ERBB4: variants seen among roughly 807,000 people sequenced by gnomAD.
The protein encoded by ERBB4 is receptor tyrosine-protein kinase erbB-4.
Under a neutral mutation model 158.0 loss-of-function variants are expected in ERBB4, and 42 were observed. The observed-to-expected ratio is 0.27, with a 90% confidence interval of 0.21 to 0.34. ERBB4 has a LOEUF of 0.34. Ranked by LOEUF, ERBB4 falls within the 10% of genes least tolerant of loss-of-function variation. The probability of loss-of-function intolerance (pLI) is 1.00; values close to 1 mark genes in which losing one functional copy is unlikely to be tolerated. For missense variants in ERBB4, 1,333 were observed against 1,624.1 expected, an observed-to-expected ratio of 0.82 and a Z score of 3.08; for synonymous variants, 583 against 558.7, an observed-to-expected ratio of 1.04 and a Z score of -0.61.
chr2:211,567,387 C>T (rs966397069), intron 19 of ERBB4, among the ~76,000 whole-genome samples: 2 of 152,124 alleles, frequency 1.3e-5, no homozygotes, highest in Non-Finnish European at 2.9e-5. Flanking sequence ...TGAGAAGGAA[C>T]TAAAATCAAA....
chr2:211,551,616 G>T (rs1266660368), intron 20 of ERBB4, among the ~76,000 whole-genome samples: 1 of 152,062 alleles, frequency 6.6e-6, no homozygotes, highest in Non-Finnish European at 1.5e-5. Flanking sequence ...TGTTTTCTAT[G>T]ATGTTAGTAG....
At chr2:212,286,816 G>A (rs541446902) in intron 1 of ERBB4, among the ~76,000 whole-genome samples, 2 of 107,076 alleles carry the variant, frequency 1.9e-5, no homozygotes, top group East Asian at 6.3e-4. Context: ...CCGCCATGTT[G>A]CCCACGCTGT....
intron 2 of ERBB4, among the ~76,000 whole-genome samples, chr2:211,955,707 T>C (rs2081008744): frequency 6.6e-6 from 1 of 152,132 alleles, no homozygotes; most frequent in African/African-American, 2.4e-5. Context: ...GATCACACTA[T>C]GTCCAAATAA....
chr2:211,843,411 G>A lies in ERBB4; in HGVS notation c.422-55252C>T, dbSNP rs568142995. 3.0e-3 allele frequency among the ~76,000 whole-genome samples: 354 copies of A among 119,630 alleles called. 2 individuals are homozygous for A. The highest frequency in any genetic ancestry group is 9.1e-3 in the African/African-American group (329 of 36,010). 78.5% of individuals were successfully genotyped at this position (119,630 alleles called of 152,430 possible). ...CTCAGGCTGGTGCACATGTGCGTGC[G>A]TGTGCACACACACACACACACACAC... On this transcript the variant is annotated intron_variant, in intron 3 of 27. Transcript: ENST00000342788.
chr2:211,654,861 A>T (rs1005207656), intron 16 of ERBB4, among the ~76,000 whole-genome samples: 1 of 152,186 alleles, frequency 6.6e-6, no homozygotes, highest in Non-Finnish European at 1.5e-5. Flanking sequence ...ATCTACAAAC[A>T]GTGACTGGCC....
chr2:211,679,081 G>C lies in ERBB4; in HGVS notation c.1593C>G (p.Ile531Met), dbSNP rs2072230473. The change falls in exon 13 of 28, where the codon ATC (isoleucine) becomes ATG (methionine). Residue 531 changes from isoleucine to methionine, a missense_variant. By Grantham distance (10) the Ile-to-Met change is conservative (BLOSUM62 1). Around this residue, in one of 5 missense-constraint regions of ERBB4, gnomAD observed 245 missense variants for 247.5 expected, o/e 0.99. Transcript: ENST00000342788. Reference sequence around the variant, plus strand: ...CATAGAGGTTACAAGACTCTATGCAGATCCTTCCTCTACTGAAGCGGCGAC... The same window carrying C: ...CATAGAGGTTACAAGACTCTATGCACATCCTTCCTCTACTGAAGCGGCGAC... Reference protein sequence around the residue: ...LSCRRFSRGRICIESCNLYDG... With the variant: ...LSCRRFSRGRMCIESCNLYDG... The C allele has an allele frequency of 6.2e-7, 1 of 1,611,728 alleles. No homozygotes were observed. The highest frequency in any genetic ancestry group is 8.5e-7 in the Non-Finnish European group (1 of 1,178,876).
intron 2 of ERBB4, among the ~76,000 whole-genome samples, chr2:212,119,249 C>A (rs2079669564): frequency 6.6e-6 from 1 of 152,116 alleles, no homozygotes; most frequent in Non-Finnish European, 1.5e-5. Context: ...TAGGTGTTAA[C>A]ACTCACTATA....
chr2:212,344,566 A>T (rs1344658057), intron 1 of ERBB4, among the ~76,000 whole-genome samples: 1 of 151,732 alleles, frequency 6.6e-6, no homozygotes, highest in Non-Finnish European at 1.5e-5. Context: ...AAGCAAGTGG[A>T]AGAAATCCTA....
chr2:212,422,610 C>T (rs756640575), intron 1 of ERBB4, among the ~76,000 whole-genome samples: 2 of 152,180 alleles, frequency 1.3e-5, no homozygotes, highest in Non-Finnish European at 2.9e-5. Context: ...TTAGACAATA[C>T]TAACCAACTT....
At chr2:212,285,305 C>T (rs574835510) in intron 1 of ERBB4, among the ~76,000 whole-genome samples, 24 of 152,162 alleles carry the variant, frequency 1.6e-4, no homozygotes, top group African/African-American at 5.3e-4. Flanking sequence ...AAGTGCAAAC[C>T]CTCACACACA....
chr2:211,577,061 T>C (rs1340540941), intron 19 of ERBB4, among the ~76,000 whole-genome samples: 37 of 152,182 alleles, frequency 2.4e-4, no homozygotes, highest in Admixed American at 2.4e-3. Flanking sequence ...TAATGGGAAC[T>C]ATAATGCCTA....
chr2:211,701,135 GA>G (rs986408406), intron 12 of ERBB4, among the ~76,000 whole-genome samples: 7 of 151,906 alleles, frequency 4.6e-5, no homozygotes, highest in Non-Finnish European at 1.0e-4. Context: ...CAAAATAGAT[GA>G]AAAAATGATA....
At chr2:212,515,793 A>G (rs1691805270) in intron 1 of ERBB4, among the ~76,000 whole-genome samples, 1 of 152,068 alleles carries the variant, frequency 6.6e-6, no homozygotes, top group Admixed American at 6.6e-5. Context: ...ACCATTAAAT[A>G]CCAAAAGCTT....
intron 7 of ERBB4, among the ~76,000 whole-genome samples, chr2:211,714,532 T>C (rs978163526): frequency 1.3e-5 from 2 of 152,212 alleles, no homozygotes; most frequent in African/African-American, 2.4e-5. Context: ...CTCTATGATA[T>C]TGGAAGCATC....
chr2:211,691,565 C>T (rs1180874873), intron 12 of ERBB4, among the ~76,000 whole-genome samples: 1 of 95,774 alleles, frequency 1.0e-5, no homozygotes, highest in African/African-American at 4.5e-5. Context: ...TGCATAGAAA[C>T]ATATGTGTGT....
intron 1 of ERBB4, among the ~76,000 whole-genome samples, chr2:212,312,104 T>C (rs1316063857): frequency 6.6e-6 from 1 of 150,936 alleles, no homozygotes; most frequent in Non-Finnish European, 1.5e-5. Flanking sequence ...AGGCATAGGG[T>C]CTTGAAGTCT....
At chr2:211,772,882 TATACACACACACACAC>T (rs2075742878) in intron 4 of ERBB4, among the ~76,000 whole-genome samples, 1 of 99,872 alleles carries the variant, frequency 1.0e-5, no homozygotes, top group African/African-American at 4.1e-5. Flanking sequence ...CATATATATA[TATACACACACACACAC>T]ATATATATAT....
chr2:211,663,634 G>A (rs1470979383), intron 15 of ERBB4, among the ~76,000 whole-genome samples: 1 of 152,020 alleles, frequency 6.6e-6, no homozygotes, highest in Non-Finnish European at 1.5e-5. Flanking sequence ...GGGCAGAGAG[G>A]AAGACACACC....
At chr2:211,792,874 A>G (rs1299113221) in intron 3 of ERBB4, among the ~76,000 whole-genome samples, 1 of 151,824 alleles carries the variant, frequency 6.6e-6, no homozygotes. Flanking sequence ...TGTATTCTTC[A>G]TTTCTTGTCA....
Sources: gnomAD v4.1 joint callset for allele counts (sites outside exome capture counted in the v4.1 genomes callset) on GRCh38, gnomAD v4.1.1 for gene constraint, gnomAD v4.1.1 regional missense constraint, MANE v1.5 for transcripts, NCBI Gene and HGNC (gene_info 2026-07-23, HGNC 2026-07-21) for gene names.